Variants in WDR26 observed in about 807,000 individuals in gnomAD.
WDR26 encodes the protein WD repeat-containing protein 26.
WDR26 carries 5 observed loss-of-function variants against 84.1 expected under a neutral mutation model. The observed-to-expected ratio is 0.06, with a 90% CI of 0.03 to 0.13. The LOEUF is 0.13. Ranked by LOEUF, WDR26 falls within the 10% of genes least tolerant of loss-of-function variation. The pLI, the probability that WDR26 is intolerant of heterozygous loss-of-function variation, is 1.00. For synonymous variants in WDR26, 415 were observed against 389.6 expected (o/e 1.07, Z -0.77); for missense variants, 642 against 974.9 (o/e 0.66, Z 4.55).
chr1:224,434,443 C>A lies in WDR26; in HGVS notation c.-38G>T. 1.9e-5 allele frequency: 2 copies of A among 107,808 alleles called. No individual in the cohort carries two copies. The highest frequency in any genetic ancestry group is 3.1e-5 in the Non-Finnish European group (2 of 65,288). The allele number at this position is 107,808 out of a possible 1,614,324, so 6.7% of individuals were successfully genotyped here. A position where few individuals can be genotyped will look rare whatever the true frequency, so the allele number is the denominator to read the frequency against. ...GTGGGGCGAGGCGGGGGAGGGGAGGCGGGGGCCGGGGAGAGGGTCGGGGTG... is the reference window on the plus strand; with the variant it reads ...GTGGGGCGAGGCGGGGGAGGGGAGGAGGGGGCCGGGGAGAGGGTCGGGGTG... On this transcript the variant is annotated 5_prime_UTR_variant, in exon 1 of 14. Transcript: ENST00000414423.
intron 1 of WDR26, 84 bp downstream of exon 1, chr1:224,433,600 T>TG: frequency 3.1e-5 from 9 of 287,052 alleles, no homozygotes; most frequent in Non-Finnish European, 3.8e-5. Flanking sequence ...CAAGCCCCCC[T>TG]CCCCCCTCCG....
At position 224,433,929 on chromosome 1, in the gene WDR26, G is replaced by A. The variant is rs1674503318; in HGVS notation, c.477C>T (p.Leu159=). 3 of 1,535,838 alleles carry A rather than the reference G, an allele frequency of 2.0e-6. No individual in the cohort carries two copies. Among genetic ancestry groups the A allele is most frequent in the Non-Finnish European group, 2.6e-6 (3 of 1,146,322 alleles). ...TGGCGGCGGAGGGGGCGGAAGGCAG[G>A]AGCCCATTGGCGTGGGCCAGGTCCC... The change falls in exon 1 of 14, where the codon CTC becomes CTT. Residue 159 remains leucine (L), a synonymous_variant. Transcript: ENST00000414423.
At chr1:224,398,813 G>A in intron 10 of WDR26, 76 bp downstream of exon 10, 1 of 1,570,116 alleles carries the variant, frequency 6.4e-7, no homozygotes, top group Non-Finnish European at 8.7e-7. Context: ...CATAAAAACT[G>A]TGAAAAGGCA....
At position 224,418,318 on chromosome 1, in the gene WDR26, T is replaced by C; in HGVS notation, c.1261A>G (p.Thr421Ala). 5 of 1,613,682 alleles carry C rather than the reference T, an allele frequency of 3.1e-6. No homozygotes were observed. Among genetic ancestry groups the C allele is most frequent in the Non-Finnish European group, 4.2e-6 (5 of 1,179,726 alleles). Reference sequence around the variant, plus strand: ...GAATCTAGATTATTATCAAGTTTGGTATTGTGATATAGGCACCGATCCCTT... The same window carrying C: ...GAATCTAGATTATTATCAAGTTTGGCATTGTGATATAGGCACCGATCCCTT... Residue 421 changes from threonine (T) to alanine (A), a missense_variant, in exon 6 of 14, where the codon ACC becomes GCC. This residue lies in a region of WDR26 where 351 missense variants were observed against 672.8 expected (regional missense o/e 0.52). Coordinates refer to ENST00000414423, the MANE Select transcript of WDR26 (RefSeq NM_001379403.1).
intron 4 of WDR26, among the ~76,000 whole-genome samples, chr1:224,423,289 G>C (rs1674117564): frequency 6.6e-6 from 1 of 152,194 alleles, no homozygotes; most frequent in South Asian, 2.1e-4. Context: ...AACAGACGTA[G>C]CAAGAGTAGA....
intron 12 of WDR26, chr1:224,397,859 G>C: frequency 2.1e-6 from 1 of 485,302 alleles, no homozygotes; most frequent in Non-Finnish European, 3.6e-6. Flanking sequence ...GACAATACAT[G>C]ACAATATGGA....
chr1:224,401,208 A>T (rs1572168629), intron 8 of WDR26, 139 bp from the exon 9 acceptor site: 1 of 760,320 alleles, frequency 1.3e-6, no homozygotes, highest in African/African-American at 3.8e-5. Context: ...TGACCCTACA[A>T]AAAAGAGACA....
At position 224,388,640 on chromosome 1, in the gene WDR26, A is replaced by T. The variant is rs776192967; in HGVS notation, c.*1195T>A. ...ATATTCTTTAAATTTATGTATCCCT[A>T]TATGTCAAAATATTAAGGGCAATTA... On this transcript the variant is annotated 3_prime_UTR_variant, in exon 14 of 14. Coordinates refer to ENST00000414423, the MANE Select transcript of WDR26 (RefSeq NM_001379403.1). 6.6e-6 allele frequency: 1 copy of T among 152,630 alleles called. No homozygotes were observed. Among genetic ancestry groups the T allele is most frequent in the Non-Finnish European group, 1.5e-5 (1 of 68,040 alleles). The allele number at this position is 152,630 out of a possible 1,614,324, so 9.5% of individuals were successfully genotyped here.
chr1:224,427,066 G>A (rs1402595288), intron 3 of WDR26, among the ~76,000 whole-genome samples: 1 of 136,620 alleles, frequency 7.3e-6, no homozygotes, highest in Non-Finnish European at 1.5e-5. Context: ...TTGTGCTACT[G>A]CACTCTAGCC....
intron 4 of WDR26, among the ~76,000 whole-genome samples, chr1:224,421,713 T>C (rs370899066): frequency 5.1e-4 from 77 of 152,256 alleles, no homozygotes; most frequent in African/African-American, 1.6e-3. Flanking sequence ...GAGGACTGCT[T>C]GAGCACAGGA....
In WDR26 at chr1:224,418,316, G is replaced by C; in HGVS notation, c.1263C>G (p.Thr421=). 1 of 1,613,552 alleles carries C rather than the reference G, an allele frequency of 6.2e-7. No homozygotes were observed. The highest frequency in any genetic ancestry group is 8.5e-7 in the Non-Finnish European group (1 of 1,179,668). The change falls in exon 6 of 14, where the codon ACC becomes ACG. Residue 421 remains threonine (T), a synonymous_variant. Coordinates refer to ENST00000414423, the MANE Select transcript of WDR26 (RefSeq NM_001379403.1). ...CAGAATCTAGATTATTATCAAGTTT[G>C]GTATTGTGATATAGGCACCGATCCC... is the stretch of plus-strand genomic sequence containing the variant.
chr1:224,422,855 T>C (rs535757036), intron 4 of WDR26, among the ~76,000 whole-genome samples: 2 of 152,348 alleles, frequency 1.3e-5, no homozygotes, highest in East Asian at 3.9e-4. Flanking sequence ...TTATATTTTT[T>C]AGAATTAGGC....
At chr1:224,391,519 A>C (rs1673127884) in intron 13 of WDR26, among the ~76,000 whole-genome samples, 1 of 151,976 alleles carries the variant, frequency 6.6e-6, no homozygotes, top group Non-Finnish European at 1.5e-5. Context: ...TTACTGTGCT[A>C]CATTTTTCCT....
At chr1:224,426,932 T>TA (rs992119454) in intron 3 of WDR26, among the ~76,000 whole-genome samples, 111 of 143,468 alleles carry the variant, frequency 7.7e-4, no homozygotes, top group South Asian at 3.3e-3. Context: ...CCGTCTCTAC[T>TA]AAAAAAAAAA....
At chr1:224,389,895 G>T in intron 13 of WDR26, 35 bp from the exon 14 acceptor site, 2 of 1,326,598 alleles carry the variant, frequency 1.5e-6, no homozygotes, top group Non-Finnish European at 2.0e-6. Flanking sequence ...ATGGGGGGCG[G>T]GCGGGGGAGG....
chr1:224,391,373 A>AAC (rs1437343731), intron 13 of WDR26, among the ~76,000 whole-genome samples: 85 of 114,474 alleles, frequency 7.4e-4, no homozygotes, highest in Middle Eastern at 4.1e-3. Context: ...CAAAAAAAAA[A>AAC]AAAAAAAAAA....
At chr1:224,396,277 G>C (rs1673257028) in intron 12 of WDR26, among the ~76,000 whole-genome samples, 1 of 152,010 alleles carries the variant, frequency 6.6e-6, no homozygotes, top group South Asian at 2.1e-4. Flanking sequence ...TAGGGATAAT[G>C]GTAGCCATAC....
chr1:224,407,101 G>A (rs1427241161), intron 7 of WDR26, among the ~76,000 whole-genome samples: 4 of 105,006 alleles, frequency 3.8e-5, no homozygotes, highest in East Asian at 3.1e-4. Flanking sequence ...CAGCCTGGGC[G>A]ACACAGCGAG....
chr1:224,433,294 T>G (rs1038179158), intron 1 of WDR26, among the ~76,000 whole-genome samples: 1 of 152,020 alleles, frequency 6.6e-6, no homozygotes, highest in African/African-American at 2.4e-5. Flanking sequence ...CAAGGTTCAT[T>G]ATTTCCACCA....
Sources: allele counts gnomAD v4.1 joint callset (sites outside exome capture counted in the v4.1 genomes callset), GRCh38; gene constraint gnomAD v4.1.1; regional missense constraint gnomAD v4.1.1; transcripts MANE v1.5; gene names NCBI Gene and HGNC (gene_info 2026-07-23, HGNC 2026-07-21).